ASH1L: variants seen among roughly 807,000 people sequenced by gnomAD.
ASH1L encodes histone-lysine N-methyltransferase ASH1L.
Under a neutral mutation model 269.0 loss-of-function variants are expected in ASH1L, and 23 were observed. The ratio of observed to expected loss-of-function variants is 0.09; its 90% confidence interval spans 0.06 to 0.12. ASH1L has a LOEUF of 0.12. Among genes scored for constraint, ASH1L ranks in the 10% least tolerant of loss-of-function variants. The probability of loss-of-function intolerance (pLI) is 1.00; values close to 1 mark genes in which losing one functional copy is unlikely to be tolerated. For synonymous variants in ASH1L, 1,187 were observed against 1,253.5 expected (o/e 0.95, Z 1.12); for missense variants, 2,912 against 3,567.8 (o/e 0.82, Z 4.68).
chr1:155,378,744 AT>A (rs1656683160), intron 8 of ASH1L, among the ~76,000 whole-genome samples, 196 bp from the exon 9 acceptor site: 1 of 152,202 alleles, frequency 6.6e-6, no homozygotes, highest in Non-Finnish European at 1.5e-5. Flanking sequence ...AGGTGAGAGA[AT>A]AAGATTCAAC....
chr1:155,542,704 G>T (rs1670516994), intron 1 of ASH1L, among the ~76,000 whole-genome samples: 1 of 144,922 alleles, frequency 6.9e-6, no homozygotes, highest in Non-Finnish European at 1.5e-5. Flanking sequence ...TTTTGAGAAG[G>T]AGTCTCATTC....
At chr1:155,521,684 G>A (rs1668897462) in intron 1 of ASH1L, 66 bp from the exon 2 acceptor site, 1 of 548,872 alleles carries the variant, frequency 1.8e-6, no homozygotes, top group Non-Finnish European at 3.1e-6. Context: ...ATAAGTAATG[G>A]GTATAGGGGA....
intron 2 of ASH1L, among the ~76,000 whole-genome samples, chr1:155,502,234 C>T (rs2148797071): frequency 6.6e-6 from 1 of 150,756 alleles, no homozygotes; most frequent in East Asian, 2.0e-4. Flanking sequence ...CCACACCCAG[C>T]TAATTTTTTG....
At chr1:155,416,472 C>G (rs1030926958) in intron 5 of ASH1L, among the ~76,000 whole-genome samples, 1 of 152,118 alleles carries the variant, frequency 6.6e-6, no homozygotes, top group Non-Finnish European at 1.5e-5. Flanking sequence ...GTTAATGCAG[C>G]ACTGTTATCC....
chr1:155,465,300 A>AC (rs1253069805), intron 3 of ASH1L, among the ~76,000 whole-genome samples: 4 of 151,588 alleles, frequency 2.6e-5, no homozygotes, highest in Admixed American at 1.3e-4. Context: ...AAAAAAAAAA[A>AC]AAAAAAAAAA....
chr1:155,459,654 T>C, intron 4 of ASH1L, 143 bp downstream of exon 4: 1 of 654,580 alleles, frequency 1.5e-6, no homozygotes. Context: ...ACCAAGTCTA[T>C]TGTTTCAACT....
chr1:155,477,629 T>C (rs1665656171), intron 3 of ASH1L, among the ~76,000 whole-genome samples: 1 of 152,192 alleles, frequency 6.6e-6, no homozygotes, highest in African/African-American at 2.4e-5. Context: ...AGATGAATGA[T>C]TTTTCCTGGT....
intron 1 of ASH1L, among the ~76,000 whole-genome samples, chr1:155,528,590 TGAG>T (rs898327462): frequency 2.0e-5 from 3 of 152,160 alleles, no homozygotes; most frequent in African/African-American, 7.2e-5. Flanking sequence ...TGCCTCTTAC[TGAG>T]GAGAGGTCAA....
At chr1:155,366,441 T>C (rs540248891) in intron 12 of ASH1L, among the ~76,000 whole-genome samples, 1 of 152,322 alleles carries the variant, frequency 6.6e-6, no homozygotes, top group South Asian at 2.1e-4. Context: ...GCTCTGTTTA[T>C]GGAATAGCCT....
At chr1:155,532,858 C>T (rs1669768777) in intron 1 of ASH1L, among the ~76,000 whole-genome samples, 1 of 147,014 alleles carries the variant, frequency 6.8e-6, no homozygotes, top group Admixed American at 6.8e-5. Context: ...TATATATGCA[C>T]ACATATATAT....
chr1:155,339,300 G>A, intron 26 of ASH1L, 28 bp downstream of exon 26: 1 of 1,607,228 alleles, frequency 6.2e-7, no homozygotes, highest in Non-Finnish European at 8.5e-7. Flanking sequence ...AATCCCTTAG[G>A]ATCCTCATAT....
intron 7 of ASH1L, among the ~76,000 whole-genome samples, chr1:155,385,065 T>C (rs1657312032): frequency 6.0e-5 from 1 of 16,564 alleles, no homozygotes; most frequent in Non-Finnish European, 2.8e-3. Flanking sequence ...TCTCTGAATG[T>C]ATTTTTTTTT....
chr1:155,498,169 C>A (rs993968881), intron 2 of ASH1L, among the ~76,000 whole-genome samples: 1 of 151,986 alleles, frequency 6.6e-6, no homozygotes, highest in African/African-American at 2.4e-5. Context: ...TATGAGGTAA[C>A]CAGAACAGTC....
At chr1:155,529,945 C>T (rs981595684) in intron 1 of ASH1L, among the ~76,000 whole-genome samples, 3 of 150,674 alleles carry the variant, frequency 2.0e-5, no homozygotes, top group Non-Finnish European at 4.4e-5. Flanking sequence ...GCCTAGGTAA[C>T]AGAGCAAGAC....
intron 10 of ASH1L, 37 bp from the exon 11 acceptor site, chr1:155,371,020 T>C: frequency 6.3e-7 from 1 of 1,594,002 alleles, no homozygotes; most frequent in Non-Finnish European, 8.6e-7. Context: ...TCAACTTACA[T>C]GATACATACC....
chr1:155,560,846 G>A (rs1431765135), intron 1 of ASH1L, among the ~76,000 whole-genome samples: 2 of 152,092 alleles, frequency 1.3e-5, no homozygotes, highest in East Asian at 3.8e-4. Flanking sequence ...AAATAATATA[G>A]TCATGGATAT....
intron 2 of ASH1L, among the ~76,000 whole-genome samples, chr1:155,507,054 G>A (rs933064728): frequency 2.6e-5 from 4 of 151,578 alleles, no homozygotes; most frequent in Admixed American, 1.3e-4. Context: ...AGGCCAAGGC[G>A]GGCAGGCCAC....
At chr1:155,559,035 G>C (rs1671788227) in intron 1 of ASH1L, among the ~76,000 whole-genome samples, 1 of 151,546 alleles carries the variant, frequency 6.6e-6, no homozygotes, top group Non-Finnish European at 1.5e-5. Flanking sequence ...GTAGAGACGG[G>C]GTTTTGCCAC....
At chr1:155,511,598 C>T (rs748961932) in intron 2 of ASH1L, among the ~76,000 whole-genome samples, 2 of 152,072 alleles carry the variant, frequency 1.3e-5, no homozygotes, top group African/African-American at 2.4e-5. Flanking sequence ...CTCCGCCTCC[C>T]GGGCTGAAGT....
Sources: gnomAD v4.1 joint callset for allele counts (sites outside exome capture counted in the v4.1 genomes callset) on GRCh38, gnomAD v4.1.1 for gene constraint, MANE v1.5 for transcripts, NCBI Gene and HGNC (gene_info 2026-07-23, HGNC 2026-07-21) for gene names.